The following GRIP1 variants were observed in gnomAD, a reference collection of about 807,000 sequenced individuals.
The protein encoded by GRIP1 is glutamate receptor interacting protein 1, also known as glutamate receptor-interacting protein 1.
GRIP1 carries 45 observed loss-of-function variants against 129.9 expected under a neutral mutation model. The ratio of observed to expected loss-of-function variants is 0.35; its 90% CI spans 0.27 to 0.44. The LOEUF is 0.44. Ranked by LOEUF, GRIP1 falls within the 20% of genes least tolerant of loss-of-function variation. The pLI is 1.00. For synonymous variants in GRIP1, 530 were observed against 520.8 expected, an observed-to-expected ratio of 1.02 and a Z score of -0.24; for missense variants, 1,196 against 1,396.8, an observed-to-expected ratio of 0.86 and a Z score of 2.29.
Position 66,528,946 on chromosome 12 carries a change from G to GA in GRIP1, c.502+884dup, listed in dbSNP as rs571647781. On this transcript the variant is annotated intron_variant, in intron 5 of 24. Transcript: ENST00000359742. Reference sequence around the variant, plus strand: ...GTAGGGAACTCAAAGAAATTAGCAAGAAAAAACCAAACAATCCCATCAAAA... The same window carrying GA: ...GTAGGGAACTCAAAGAAATTAGCAAGAAAAAAACCAAACAATCCCATCAAAA... 5.9e-3 allele frequency among the ~76,000 whole-genome samples: 900 copies of GA among 152,060 alleles called. 8 individuals carry two copies. The highest frequency in any genetic ancestry group is 0.021 in the African/African-American group (851 of 41,494).
intron 19 of GRIP1, among the ~76,000 whole-genome samples, chr12:66,381,195 C>T (rs1436418262): frequency 1.3e-5 from 2 of 152,184 alleles, no homozygotes; most frequent in Admixed American, 6.5e-5. Context: ...TTTTAGGACA[C>T]CAAGGATTAG....
intron 16 of GRIP1, among the ~76,000 whole-genome samples, chr12:66,397,624 T>C (rs1047088414): frequency 6.6e-6 from 1 of 152,188 alleles, no homozygotes; most frequent in Non-Finnish European, 1.5e-5. Flanking sequence ...TGAGTGAATA[T>C]TTTATAAGAT....
intron 1 of GRIP1, among the ~76,000 whole-genome samples, chr12:67,060,123 T>C (rs2043507080): frequency 6.6e-6 from 1 of 152,248 alleles, no homozygotes; most frequent in South Asian, 2.1e-4. Flanking sequence ...GCCACCACTT[T>C]CAGTGCTAAT....
chr12:66,380,961 A>G (rs2056080015), intron 19 of GRIP1, among the ~76,000 whole-genome samples: 1 of 152,166 alleles, frequency 6.6e-6, no homozygotes, highest in African/African-American at 2.4e-5. Context: ...AAATGGCCTG[A>G]TTGCGTAAGA....
chr12:66,627,604 A>G (rs929552485), intron 1 of GRIP1, among the ~76,000 whole-genome samples: 2 of 152,164 alleles, frequency 1.3e-5, no homozygotes, highest in Non-Finnish European at 2.9e-5. Context: ...ATCTGAGGAT[A>G]CGTCTTTCCC....
chr12:66,898,016 A>G (rs2040780322), intron 1 of GRIP1, among the ~76,000 whole-genome samples: 2 of 152,262 alleles, frequency 1.3e-5, no homozygotes, highest in South Asian at 4.1e-4. Flanking sequence ...GCAACAGTAC[A>G]GTAGTTAAAG....
chr12:66,992,177 A>C (rs1356445992), intron 1 of GRIP1, among the ~76,000 whole-genome samples: 1 of 152,212 alleles, frequency 6.6e-6, no homozygotes, highest in East Asian at 1.9e-4. Flanking sequence ...ATAATTTATG[A>C]ACGTCAAAAT....
chr12:66,781,585 T>C (rs528157255), intron 1 of GRIP1, among the ~76,000 whole-genome samples: 22 of 152,306 alleles, frequency 1.4e-4, no homozygotes, highest in African/African-American at 4.8e-4. Flanking sequence ...ATTTTAGAAT[T>C]TTTTTCATCT....
At chr12:66,398,467 T>G (rs891434426) in intron 16 of GRIP1, among the ~76,000 whole-genome samples, 1 of 151,890 alleles carries the variant, frequency 6.6e-6, no homozygotes, top group Non-Finnish European at 1.5e-5. Context: ...TTACTCCCTA[T>G]GCACAAACAC....
At chr12:66,645,861 G>A (rs567962627) in intron 1 of GRIP1, among the ~76,000 whole-genome samples, 1 of 152,310 alleles carries the variant, frequency 6.6e-6, no homozygotes, top group South Asian at 2.1e-4. Context: ...GTTAACCTTT[G>A]TATCAATATC....
intron 1 of GRIP1, among the ~76,000 whole-genome samples, chr12:66,971,325 A>G (rs2137575465): frequency 6.6e-6 from 1 of 152,312 alleles, no homozygotes; most frequent in African/African-American, 2.4e-5. Context: ...ACTCCCAAGC[A>G]CTTTACATGC....
intron 1 of GRIP1, among the ~76,000 whole-genome samples, chr12:66,658,116 A>T (rs1281329243): frequency 6.6e-6 from 1 of 152,182 alleles, no homozygotes; most frequent in Non-Finnish European, 1.5e-5. Flanking sequence ...ATAAACATAA[A>T]TAAACATATA....
At chr12:66,870,298 A>G (rs946080482) in intron 1 of GRIP1, among the ~76,000 whole-genome samples, 1 of 152,152 alleles carries the variant, frequency 6.6e-6, no homozygotes, top group Non-Finnish European at 1.5e-5. Context: ...GAAAAATGAT[A>G]AAGTTATTAC....
intron 1 of GRIP1, among the ~76,000 whole-genome samples, chr12:66,870,400 T>C (rs1245488807): frequency 6.6e-6 from 1 of 152,162 alleles, no homozygotes; most frequent in East Asian, 1.9e-4. Flanking sequence ...GGTAATGTTA[T>C]GTGTTGACAT....
At chr12:66,891,735 T>TG (rs900451325) in intron 1 of GRIP1, 3 of 152,116 alleles carry the variant, frequency 2.0e-5, no homozygotes, top group African/African-American at 7.2e-5. Context: ...TTCTCTCTCA[T>TG]GGGAAAGTAC....
At chr12:66,829,131 G>A (rs1007275310) in intron 1 of GRIP1, among the ~76,000 whole-genome samples, 3 of 152,122 alleles carry the variant, frequency 2.0e-5, no homozygotes, top group African/African-American at 7.2e-5. Flanking sequence ...CCTCTTACAT[G>A]ATCTTGAGAA....
intron 1 of GRIP1, among the ~76,000 whole-genome samples, chr12:66,771,109 GA>G (rs199664678): frequency 1.3e-5 from 2 of 150,294 alleles, no homozygotes; most frequent in South Asian, 2.1e-4. Context: ...AAGATAGAAA[GA>G]AAAAAAAACC....
chr12:66,856,353 G>A (rs1434212018), intron 1 of GRIP1, among the ~76,000 whole-genome samples: 4 of 151,856 alleles, frequency 2.6e-5, no homozygotes, highest in African/African-American at 4.8e-5. Context: ...AATGGCAACA[G>A]AAGCCAAAAT....
intron 20 of GRIP1, among the ~76,000 whole-genome samples, chr12:66,378,012 T>C (rs2055896308): frequency 6.6e-6 from 1 of 152,074 alleles, no homozygotes; most frequent in Non-Finnish European, 1.5e-5. Context: ...AACCAAATGC[T>C]ATCAGTTTTT....
Sources: allele counts gnomAD v4.1 joint callset (sites outside exome capture counted in the v4.1 genomes callset), GRCh38; gene constraint gnomAD v4.1.1; transcripts MANE v1.5; gene names NCBI Gene and HGNC (gene_info 2026-07-23, HGNC 2026-07-21).